The following CES5A variants were observed in gnomAD, a reference collection of about 807,000 sequenced individuals.
CES5A encodes carboxylesterase 5A.
A neutral mutation model predicts 62.9 loss-of-function variants in CES5A; 67 were observed. That is an observed-to-expected ratio of 1.07 (90% confidence interval 0.88 to 1.31). The LOEUF (loss-of-function observed/expected upper bound fraction) is 1.31, where lower values mean the gene tolerates loss of function less well. Among genes scored for constraint, CES5A ranks in the 50% most tolerant of loss-of-function variants. CES5A has a pLI of 0.00. For missense variants in CES5A, 748 were observed against 708.5 expected (o/e 1.06, Z -0.63); for synonymous variants, 296 against 280.8 (o/e 1.05, Z -0.54).
chr16:55,952,785 C>G (rs147880374), intron 1 of CES5A, among the ~76,000 whole-genome samples: 1 of 152,028 alleles, frequency 6.6e-6, no homozygotes, highest in Non-Finnish European at 1.5e-5. Context: ...AGATCTACCC[C>G]CACTAAAGTG....
chr16:55,938,795 T>TATAC (rs1378532522), intron 2 of CES5A, among the ~76,000 whole-genome samples: 47 of 56,396 alleles, frequency 8.3e-4, no homozygotes, highest in African/African-American at 3.8e-3. Context: ...TATATATATA[T>TATAC]ATACACACAT....
chr16:55,951,956 T>C (rs1404560974), intron 1 of CES5A, among the ~76,000 whole-genome samples: 3 of 152,128 alleles, frequency 2.0e-5, no homozygotes, highest in Non-Finnish European at 2.9e-5. Context: ...TACAGTGTGA[T>C]CTAATAGACA....
upstream of CES5A, among the ~76,000 whole-genome samples, chr16:55,929,249 C>A (rs549024571): frequency 8.7e-4 from 132 of 152,252 alleles, no homozygotes; most frequent in Non-Finnish European, 1.6e-3. Context: ...TTCCCACTCT[C>A]CTGGTAAAAT....
chr16:55,858,690 T>A (rs1176522688), intron 8 of CES5A, among the ~76,000 whole-genome samples: 1 of 152,230 alleles, frequency 6.6e-6, no homozygotes, highest in Non-Finnish European at 1.5e-5. Context: ...TTCTTAACCC[T>A]ATTTCCTCCA....
chr16:55,858,818 G>A (rs115699837), intron 8 of CES5A, among the ~76,000 whole-genome samples: 2,500 of 152,248 alleles, frequency 0.016, 67 homozygotes, highest in African/African-American at 0.058. Flanking sequence ...GTCTTCCTAT[G>A]CCACGGAATC....
intron 11 of CES5A, 94 bp from the exon 12 acceptor site, chr16:55,846,934 T>A: frequency 9.9e-7 from 1 of 1,007,608 alleles, no homozygotes; most frequent in Admixed American, 1.8e-5. Context: ...ACACCCCTCC[T>A]CCCACTGTAA....
intron 1 of CES5A, chr16:55,955,706 A>G (rs955896559): frequency 2.3e-6 from 2 of 884,624 alleles, no homozygotes; most frequent in Non-Finnish European, 3.5e-6. Flanking sequence ...CAAGGTATCC[A>G]TCTAGCCTAC....
At chr16:55,914,871 T>G (rs1203819489) in intron 1 of CES5A, among the ~76,000 whole-genome samples, 1 of 152,222 alleles carries the variant, frequency 6.6e-6, no homozygotes, top group African/African-American at 2.4e-5. Flanking sequence ...CGTTAATTTT[T>G]TAGTTTTGAC....
At chr16:55,925,305 AAT>A (rs2034247490) in intron 1 of CES5A, 2 of 147,682 alleles carry the variant, frequency 1.4e-5, no homozygotes, top group African/African-American at 5.4e-5. Context: ...TCAAAACAAC[AAT>A]GAGATACCAT....
At chr16:55,856,893 G>A (rs559952153) in intron 8 of CES5A, among the ~76,000 whole-genome samples, 16 of 152,308 alleles carry the variant, frequency 1.1e-4, no homozygotes, top group East Asian at 7.7e-4. Context: ...CACACAAAGC[G>A]GTATCAGCAC....
At chr16:55,914,428 C>T (rs12932971) in intron 1 of CES5A, among the ~76,000 whole-genome samples, 71,528 of 151,960 alleles carry the variant, frequency 0.47, 17,333 homozygotes, top group Non-Finnish European at 0.52. Context: ...TGTCTCCCCA[C>T]GGTCTGGTAG....
At chr16:55,926,158 G>T (rs1184231302), upstream of CES5A, among the ~76,000 whole-genome samples, 1 of 152,010 alleles carries the variant, frequency 6.6e-6, no homozygotes, top group African/African-American at 2.4e-5. Context: ...AATATCTAAG[G>T]TTATGGACAC....
chr16:55,944,423 C>G, intron 2 of CES5A: 2 of 269,452 alleles, frequency 7.4e-6, no homozygotes, highest in East Asian at 6.9e-5. Context: ...CCCTGCAGTG[C>G]GGTCCAACCT....
intron 1 of CES5A, among the ~76,000 whole-genome samples, chr16:55,901,420 C>T (rs2033989650): frequency 6.6e-6 from 1 of 152,126 alleles, no homozygotes; most frequent in Middle Eastern, 3.2e-3. Context: ...AAGCACATAC[C>T]TTGGAGGCAT....
At chr16:55,938,706 A>G (rs1290192111) in intron 2 of CES5A, among the ~76,000 whole-genome samples, 1 of 122,300 alleles carries the variant, frequency 8.2e-6, no homozygotes, top group African/African-American at 3.2e-5. Flanking sequence ...ACTGCACTCC[A>G]GCCTGGGGGA....
At chr16:55,936,229 C>T (rs2034373463) in intron 2 of CES5A, among the ~76,000 whole-genome samples, 1 of 152,198 alleles carries the variant, frequency 6.6e-6, no homozygotes, top group Non-Finnish European at 1.5e-5. Flanking sequence ...TGGAAATCTA[C>T]TTTCCATGCC....
intron 10 of CES5A, among the ~76,000 whole-genome samples, chr16:55,850,427 G>T (rs1488908891): frequency 6.6e-6 from 1 of 152,160 alleles, no homozygotes; most frequent in Non-Finnish European, 1.5e-5. Flanking sequence ...TACTTTCTGT[G>T]TCTATGGCTT....
At chr16:55,909,534 T>C (rs186137088) in intron 1 of CES5A, among the ~76,000 whole-genome samples, 5 of 151,374 alleles carry the variant, frequency 3.3e-5, no homozygotes, top group South Asian at 2.1e-4. Flanking sequence ...AAGGCTTTAA[T>C]TACCATGGAT....
chr16:55,948,344 G>T (rs1219042560), intron 2 of CES5A, among the ~76,000 whole-genome samples: 1 of 152,150 alleles, frequency 6.6e-6, no homozygotes, highest in Non-Finnish European at 1.5e-5. Context: ...TGAAAAGGAG[G>T]GGGCAGAGGA....
Sources: gnomAD v4.1 joint callset for allele counts (sites outside exome capture counted in the v4.1 genomes callset) on GRCh38, gnomAD v4.1.1 for gene constraint, MANE v1.5 for transcripts, NCBI Gene and HGNC (gene_info 2026-07-23, HGNC 2026-07-21) for gene names.